ADAMTS12: variants seen among roughly 807,000 people sequenced by gnomAD.
ADAMTS12 encodes A disintegrin and metalloproteinase with thrombospondin motifs 12.
A neutral mutation model predicts 167.8 loss-of-function variants in ADAMTS12; 118 were observed. The observed-to-expected ratio is 0.70, with a 90% CI of 0.61 to 0.82. The LOEUF (loss-of-function observed/expected upper bound fraction) is 0.82, where lower values mean the gene tolerates loss of function less well. Ranked by LOEUF, ADAMTS12 falls within the 40% of genes least tolerant of loss-of-function variation. The pLI, the probability that ADAMTS12 is intolerant of heterozygous loss-of-function variation, is 0.00. For synonymous variants in ADAMTS12, 704 were observed against 716.9 expected, an observed-to-expected ratio of 0.98 and a Z score of 0.29; for missense variants, 1,916 against 1,998.8, an observed-to-expected ratio of 0.96 and a Z score of 0.79.
At chr5:33,715,656 AG>A (rs1420748997) in intron 3 of ADAMTS12, among the ~76,000 whole-genome samples, 3 of 152,144 alleles carry the variant, frequency 2.0e-5, no homozygotes, top group Admixed American at 2.0e-4. Context: ...ACTCTACAAC[AG>A]GAGGGTAGTA....
intron 2 of ADAMTS12, among the ~76,000 whole-genome samples, chr5:33,818,204 T>A (rs1385493466): frequency 6.6e-6 from 1 of 152,038 alleles, no homozygotes; most frequent in Admixed American, 6.6e-5. Context: ...ACATTAGATC[T>A]CTAAACTATT....
rs757718642 is a variant in ADAMTS12 at position 33,577,028 on chromosome 5, G to A, written c.2998C>T (p.Arg1000Trp). The change falls in exon 19 of 24, where the codon CGG (arginine) becomes TGG (tryptophan). Residue 1000 changes from arginine (R) to tryptophan (W), a missense_variant. By Grantham distance (101) the Arg-to-Trp change is moderately radical. Transcript: ENST00000504830. ...LCGLQQCPSS[R>W]RVLKPNKGTI... The stretch of plus-strand genomic sequence containing the variant: ...CCTTTGTTTGGTTTCAGAACTCTCC[G>A]GCTAGAAGGGCATTGCTGGAGGCCA... 1.7e-5 allele frequency: 27 copies of A among 1,614,024 alleles called. No individual in the cohort carries two copies. The highest frequency in any genetic ancestry group is 4.4e-5 in the South Asian group (4 of 91,078).
In ADAMTS12 at chr5:33,775,562, C is replaced by T. The variant is rs557596733; in HGVS notation, c.490-24014G>A. Among the ~76,000 whole-genome samples, 6 of 152,280 alleles carry T rather than the reference C, an allele frequency of 3.9e-5. No individual in the cohort carries two copies. The South Asian group carries it at 1.2e-3, about 32-fold the overall frequency. ...GAATAGGACTTTCCAGTATGCATTT[C>T]CTCAGAGAAACATCACTTTGGAAAA... is the stretch of plus-strand genomic sequence containing the variant. On this transcript the variant is annotated intron_variant, in intron 2 of 23. Transcript: ENST00000504830.
intron 3 of ADAMTS12, among the ~76,000 whole-genome samples, chr5:33,703,013 A>G (rs1323545063): frequency 2.0e-5 from 3 of 151,952 alleles, no homozygotes; most frequent in Non-Finnish European, 4.4e-5. Context: ...ATGATACCCC[A>G]CTCCTCAAAC....
chr5:33,811,596 T>C (rs560401796), intron 2 of ADAMTS12, among the ~76,000 whole-genome samples: 1 of 152,120 alleles, frequency 6.6e-6, no homozygotes, highest in Non-Finnish European at 1.5e-5. Flanking sequence ...GGAGAAAGGA[T>C]TCAAGGAGAC....
intron 3 of ADAMTS12, among the ~76,000 whole-genome samples, chr5:33,740,603 T>C (rs1579894053): frequency 6.6e-6 from 1 of 152,188 alleles, no homozygotes; most frequent in Non-Finnish European, 1.5e-5. Context: ...ATGATTGCTA[T>C]GTCCCACTCC....
intron 2 of ADAMTS12, among the ~76,000 whole-genome samples, chr5:33,867,730 T>C (rs1287095096): frequency 6.6e-6 from 1 of 152,222 alleles, no homozygotes; most frequent in Non-Finnish European, 1.5e-5. Flanking sequence ...TTAAAATTAT[T>C]AATTGTGATG....
intron 4 of ADAMTS12, among the ~76,000 whole-genome samples, chr5:33,683,313 T>C (rs1214660726): frequency 6.6e-6 from 1 of 152,210 alleles, no homozygotes; most frequent in Non-Finnish European, 1.5e-5. Context: ...CTTGGCTGTG[T>C]GTTTGAAGGA....
At chr5:33,612,142 C>G (rs1475175636) in intron 16 of ADAMTS12, among the ~76,000 whole-genome samples, 1 of 152,214 alleles carries the variant, frequency 6.6e-6, no homozygotes, top group Non-Finnish European at 1.5e-5. Flanking sequence ...ATGCTGCTGT[C>G]TTTCTCCTTT....
At chr5:33,554,807 A>C (rs1005034958) in intron 20 of ADAMTS12, among the ~76,000 whole-genome samples, 2 of 152,198 alleles carry the variant, frequency 1.3e-5, no homozygotes, top group Non-Finnish European at 2.9e-5. Context: ...TGGAGACAAG[A>C]ACTAGAATAA....
rs1554027577 is a variant in ADAMTS12, at chr5:33,615,970, T to C, written c.2246A>G (p.Glu749Gly). ...AAACCCTCCATTCAGGTAATATTTT[T>C]CAGGATCTTCACTCCTGATGGCCAG... ...NFLAIRSEDPEKYYLNGGFII... is the reference protein window; with the variant it reads ...NFLAIRSEDPGKYYLNGGFII... Residue 749 changes from glutamate to glycine, a missense_variant, in exon 15 of 24, where the codon GAA becomes GGA. Physicochemically the swap from Glu to Gly is moderately conservative, Grantham distance 98. Transcript: ENST00000504830. 2 of 1,614,188 alleles carry C rather than the reference T, an allele frequency of 1.2e-6. No individual in the cohort carries two copies. The highest frequency in any genetic ancestry group is 2.2e-5 in the South Asian group (2 of 91,086).
At chr5:33,748,733 T>C (rs1744878165) in intron 3 of ADAMTS12, among the ~76,000 whole-genome samples, 1 of 152,202 alleles carries the variant, frequency 6.6e-6, no homozygotes, top group Admixed American at 6.5e-5. Flanking sequence ...TAATTCAGTC[T>C]GGCAACATCA....
rs532209145 is a variant in ADAMTS12, at chr5:33,693,880, A to G, written c.635-9825T>C. ...ATAAGAAGAGAGGAAGTCAAACTCT[A>G]TCTCTGTTTGCAGATGATATGATTC... On this transcript the variant is annotated intron_variant, in intron 3 of 23. Coordinates refer to ENST00000504830, the MANE Select transcript of ADAMTS12 (RefSeq NM_030955.4). Among the ~76,000 whole-genome samples, 102 of 152,286 alleles carry G rather than the reference A, an allele frequency of 6.7e-4. 1 individual carries two copies. The highest frequency in any genetic ancestry group is 2.4e-3 in the African/African-American group (99 of 41,574).
intron 3 of ADAMTS12, among the ~76,000 whole-genome samples, chr5:33,722,418 C>A (rs1743838373): frequency 6.6e-6 from 1 of 152,162 alleles, no homozygotes; most frequent in Admixed American, 6.5e-5. Flanking sequence ...CGCTCAGAAT[C>A]ACCCTATAAG....
At chr5:33,619,592 T>C (rs999582136) in intron 14 of ADAMTS12, among the ~76,000 whole-genome samples, 1 of 152,218 alleles carries the variant, frequency 6.6e-6, no homozygotes, top group Non-Finnish European at 1.5e-5. Context: ...TTACAGGTAT[T>C]AAATTATCCA....
rs1200266812 is a variant in ADAMTS12, at chr5:33,658,164, C to T, written c.1190+20G>A. The T allele has an allele frequency of 2.5e-6, 4 of 1,612,408 alleles. No homozygotes were observed. The highest frequency in any genetic ancestry group is 1.7e-5 in the Admixed American group (1 of 59,944). Reference sequence around the variant, plus strand: ...ACACATGAATATGGTGAGCAAACCTCCCTATCATTGGCCCTTTACCTGTGT... The same window carrying T: ...ACACATGAATATGGTGAGCAAACCTTCCTATCATTGGCCCTTTACCTGTGT... On this transcript the variant is annotated intron_variant, in intron 7 of 23. Transcript: ENST00000504830.
intron 3 of ADAMTS12, among the ~76,000 whole-genome samples, chr5:33,750,062 A>G (rs954361580): frequency 6.6e-6 from 1 of 152,164 alleles, no homozygotes; most frequent in African/African-American, 2.4e-5. Context: ...GTGTAATAGG[A>G]ATTGGGCAAT....
chr5:33,667,651 A>G (rs913154977), intron 5 of ADAMTS12, among the ~76,000 whole-genome samples: 12 of 152,198 alleles, frequency 7.9e-5, no homozygotes, highest in Admixed American at 6.5e-4. Flanking sequence ...TATGAATGAC[A>G]GCACTCATTA....
chr5:33,815,305 C>T (rs1747607795), intron 2 of ADAMTS12, among the ~76,000 whole-genome samples: 1 of 152,122 alleles, frequency 6.6e-6, no homozygotes, highest in South Asian at 2.1e-4. Flanking sequence ...TATGTGGAGG[C>T]CGGGCCTTTG....
Sources: gnomAD v4.1 joint callset for allele counts (sites outside exome capture counted in the v4.1 genomes callset) on GRCh38, gnomAD v4.1.1 for gene constraint, MANE v1.5 for transcripts, NCBI Gene and HGNC (gene_info 2026-07-23, HGNC 2026-07-21) for gene names.